FAAH2: variants seen among roughly 807,000 people sequenced by gnomAD.
FAAH2 encodes fatty-acid amide hydrolase 2.
In FAAH2, 60 loss-of-function variants were observed where a neutral mutation model predicts 36.9. That is an observed-to-expected ratio of 1.63 (90% CI 1.32 to 2.02). The LOEUF is 2.02. FAAH2 is among the 30% of genes most tolerant of loss of function. The pLI, the probability that FAAH2 is intolerant of heterozygous loss-of-function variation, is 0.00. For missense variants in FAAH2, 689 were observed against 397.5 expected (o/e 1.73, Z -6.23); for synonymous variants, 214 against 143.8 (o/e 1.49, Z -3.49).
chrX:57,154,753 T>C, the FAAH2 span, among the ~76,000 whole-genome samples: 1 of 110,823 alleles, frequency 9.0e-6, no homozygotes, highest in African/African-American at 3.3e-5. Flanking sequence ...AACCTTGTTT[T>C]GTTATATTTC....
At chrX:57,415,537 G>C (rs1460219533) in intron 7 of FAAH2, among the ~76,000 whole-genome samples, 1 of 111,869 alleles carries the variant, frequency 8.9e-6, no homozygotes, top group East Asian at 2.8e-4. Flanking sequence ...TTGCAGTTTT[G>C]AGTGAGCTTC....
At chrX:57,386,233 G>A (rs1198761849) in intron 7 of FAAH2, among the ~76,000 whole-genome samples, 1 of 111,314 alleles carries the variant, frequency 9.0e-6, no homozygotes, top group Non-Finnish European at 1.9e-5. Context: ...TTATTAACAG[G>A]CTATAACCTA....
chrX:57,184,069 C>G, the FAAH2 span, among the ~76,000 whole-genome samples: 1,165 of 110,818 alleles, frequency 0.011, 17 homozygotes, highest in African/African-American at 0.037. Context: ...AGACCGTTCT[C>G]TGCTCTTGAA....
At chrX:57,315,812 G>A (rs2052821963) in intron 3 of FAAH2, among the ~76,000 whole-genome samples, 1 of 111,170 alleles carries the variant, frequency 9.0e-6, no homozygotes, top group Non-Finnish European at 1.9e-5. Flanking sequence ...CACACTAAAT[G>A]GGCAAAAGCT....
Position 57,447,905 on chromosome X carries a change from A to G in FAAH2, c.1229-619A>G, listed in dbSNP as rs779444677. 1.4e-4 allele frequency among the ~76,000 whole-genome samples: 16 copies of G among 112,129 alleles called. No homozygotes were observed. The East Asian group carries it at 4.2e-3, about 30-fold the overall frequency. Reference sequence around the variant, plus strand: ...CATTTGGATCCTCCTTATTTATGTAAATTTCTGCAGCCGGCTTGAATTTCT... The same window carrying G: ...CATTTGGATCCTCCTTATTTATGTAGATTTCTGCAGCCGGCTTGAATTTCT... On this transcript the variant is annotated intron_variant, in intron 9 of 10. Coordinates refer to ENST00000374900, the MANE Select transcript of FAAH2 (RefSeq NM_174912.4).
the FAAH2 span, among the ~76,000 whole-genome samples, chrX:57,217,089 C>T: frequency 1.8e-5 from 2 of 111,021 alleles, no homozygotes; most frequent in African/African-American, 6.5e-5. Flanking sequence ...TAAGAATTGT[C>T]TATTCATGTC....
the FAAH2 span, among the ~76,000 whole-genome samples, chrX:57,256,589 A>AT: frequency 8.9e-6 from 1 of 111,864 alleles, no homozygotes; most frequent in Non-Finnish European, 1.9e-5. Context: ...GACCATAAAA[A>AT]TTCTAGAAGA....
At chrX:57,248,444 A>T in the FAAH2 span, among the ~76,000 whole-genome samples, 34 of 111,514 alleles carry the variant, frequency 3.0e-4, no homozygotes, top group African/African-American at 1.1e-3. Context: ...AAGAATAGCA[A>T]TTTTTGCACT....
intron 5 of FAAH2, among the ~76,000 whole-genome samples, chrX:57,354,828 ATAT>A (rs2054120161): frequency 9.0e-6 from 1 of 110,721 alleles, no homozygotes; most frequent in Admixed American, 9.6e-5. Context: ...ATTTTCCATA[ATAT>A]ATGTATGCTT....
chrX:57,393,007 G>A, intron 7 of FAAH2: 1 of 902,002 alleles, frequency 1.1e-6, no homozygotes, highest in Non-Finnish European at 1.6e-6. Context: ...TCATAAAGGA[G>A]TTGGAAGCTG....
chrX:57,372,636 A>G (rs1206472285), intron 5 of FAAH2, among the ~76,000 whole-genome samples: 2 of 111,739 alleles, frequency 1.8e-5, no homozygotes, highest in African/African-American at 6.5e-5. Flanking sequence ...CAAAAGTAGT[A>G]GTAGAATTTT....
the FAAH2 span, among the ~76,000 whole-genome samples, chrX:57,188,257 C>T: frequency 9.0e-6 from 1 of 111,366 alleles, no homozygotes; most frequent in South Asian, 3.8e-4. Context: ...TTGGTCTATT[C>T]AGGAATTGGA....
chrX:57,224,083 G>A, the FAAH2 span, among the ~76,000 whole-genome samples: 1 of 111,297 alleles, frequency 9.0e-6, no homozygotes, highest in Non-Finnish European at 1.9e-5. Flanking sequence ...ATCATATATG[G>A]CCAAACTTTT....
chrX:57,231,238 T>C, the FAAH2 span, among the ~76,000 whole-genome samples: 2 of 110,960 alleles, frequency 1.8e-5, no homozygotes, highest in Non-Finnish European at 3.8e-5. Context: ...TTTCTGGCCA[T>C]TATAGGTCAA....
At chrX:57,363,924 T>C (rs1356574000) in intron 5 of FAAH2, among the ~76,000 whole-genome samples, 4 of 109,629 alleles carry the variant, frequency 3.6e-5, no homozygotes, top group Non-Finnish European at 7.6e-5. Context: ...ATTAATTACC[T>C]TCTTTATATG....
chrX:57,267,321 G>A, the FAAH2 span, among the ~76,000 whole-genome samples: 2 of 112,872 alleles, frequency 1.8e-5, no homozygotes, highest in African/African-American at 6.4e-5. Flanking sequence ...GCCTTGGCTG[G>A]CACAGAGCCA....
chrX:57,418,268 C>T (rs953333620), intron 7 of FAAH2, among the ~76,000 whole-genome samples: 2 of 111,548 alleles, frequency 1.8e-5, no homozygotes, highest in African/African-American at 6.5e-5. Context: ...CCAGGCGCCA[C>T]CGGGCTTTGA....
the FAAH2 span, among the ~76,000 whole-genome samples, chrX:57,245,968 T>C: frequency 9.0e-6 from 1 of 110,701 alleles, no homozygotes; most frequent in Non-Finnish European, 1.9e-5. Flanking sequence ...ACAAAATAGA[T>C]AATCTGCTAG....
chrX:57,394,009 C>T (rs2055230712), intron 7 of FAAH2: 1 of 753,479 alleles, frequency 1.3e-6, no homozygotes, highest in Admixed American at 2.2e-5. Context: ...CTGATGGCAC[C>T]AAATGAGTAA....
Sources: allele counts gnomAD v4.1 joint callset (sites outside exome capture counted in the v4.1 genomes callset), GRCh38; gene constraint gnomAD v4.1.1; transcripts MANE v1.5; gene names NCBI Gene and HGNC (gene_info 2026-07-23, HGNC 2026-07-21).